The following ARHGAP26 variants were observed in gnomAD, a reference collection of about 807,000 sequenced individuals.
The protein encoded by ARHGAP26 is Rho GTPase activating protein 26, also known as rho GTPase-activating protein 26.
In ARHGAP26, 38 loss-of-function variants were observed where a neutral mutation model predicts 104.8. That is an observed-to-expected ratio of 0.36 (90% confidence interval 0.28 to 0.48). The LOEUF (loss-of-function observed/expected upper bound fraction) is 0.48. Ranked by LOEUF, ARHGAP26 falls within the 20% of genes least tolerant of loss-of-function variation. The pLI, the probability that ARHGAP26 is intolerant of heterozygous loss-of-function variation, is 0.99. For missense variants in ARHGAP26, 704 were observed against 947.9 expected (o/e 0.74, Z 3.38); for synonymous variants, 341 against 340.0 (o/e 1.00, Z -0.03).
At chr5:143,107,004 G>T (rs1794119253) in intron 17 of ARHGAP26, among the ~76,000 whole-genome samples, 1 of 152,136 alleles carries the variant, frequency 6.6e-6, no homozygotes, top group Admixed American at 6.5e-5. Context: ...ACCTCTGTTT[G>T]ATTTCTTCAT....
intron 13 of ARHGAP26, among the ~76,000 whole-genome samples, chr5:143,039,398 G>T (rs1369940362): frequency 6.6e-6 from 1 of 151,976 alleles, no homozygotes; most frequent in African/African-American, 2.4e-5. Flanking sequence ...AGTAGAGATG[G>T]TTTTACCACA....
rs1796062249 is a variant in ARHGAP26 at position 143,120,983 on chromosome 5, C to G, written c.1539-5C>G. On this transcript the variant is annotated splice_polypyrimidine_tract_variant and splice_region_variant and intron_variant, in intron 17 of 22. Coordinates refer to ENST00000645722, the MANE Select transcript of ARHGAP26 (RefSeq NM_001135608.3). Reference sequence around the variant, plus strand: ...ATTGGTACCTTTTCTTTTCCTTCCTCCCAGTGTTGCTAACAACCACAAGCA... The same window carrying G: ...ATTGGTACCTTTTCTTTTCCTTCCTGCCAGTGTTGCTAACAACCACAAGCA... 4.3e-6 allele frequency: 7 copies of G among 1,611,678 alleles called. 1 individual carries two copies. In the South Asian group the frequency reaches 5.5e-5, roughly 13 times the overall value.
chr5:142,875,192 C>T, intron 3 of ARHGAP26, 21 bp downstream of exon 3: 3 of 1,612,826 alleles, frequency 1.9e-6, no homozygotes, highest in Non-Finnish European at 2.5e-6. Flanking sequence ...CTGGGCTACT[C>T]TTGGTCCCAG....
intron 10 of ARHGAP26, among the ~76,000 whole-genome samples, chr5:142,920,868 TAACA>T (rs889123610): frequency 6.6e-6 from 1 of 152,176 alleles, no homozygotes; most frequent in Non-Finnish European, 1.5e-5. Flanking sequence ...GGGGGGAAAG[TAACA>T]AACAAGAGGA....
In ARHGAP26 at chr5:142,770,898, T is replaced by C; in HGVS notation, c.137T>C (p.Leu46Pro). ...IKELIKDGKS[L>P]ISALKNLSSA... is the part of the protein sequence containing the mutation. ...GAGCTCATCAAGGACGGGAAGTCAC[T>C]CATAAGCGCGCTCAAGAGTGAGTGT... Residue 46 changes from leucine (L) to proline (P), a missense_variant, in exon 1 of 23, where the codon CTC becomes CCC. This residue lies in a region of ARHGAP26 where 77 missense variants were observed against 82.6 expected (regional missense o/e 0.93). Coordinates refer to ENST00000645722, the MANE Select transcript of ARHGAP26 (RefSeq NM_001135608.3). The C allele has an allele frequency of 6.2e-7, 1 of 1,609,792 alleles. No individual in the cohort carries two copies. The highest frequency in any genetic ancestry group is 8.5e-7 in the Non-Finnish European group (1 of 1,177,824).
At chr5:143,140,334 G>A (rs1798366971) in intron 19 of ARHGAP26, among the ~76,000 whole-genome samples, 1 of 152,176 alleles carries the variant, frequency 6.6e-6, no homozygotes, top group East Asian at 1.9e-4. Flanking sequence ...CAGTCAGACT[G>A]AGATGTTTTA....
At chr5:143,105,150 C>T (rs1231011968) in intron 17 of ARHGAP26, among the ~76,000 whole-genome samples, 3 of 151,926 alleles carry the variant, frequency 2.0e-5, no homozygotes, top group East Asian at 1.9e-4. Flanking sequence ...CCAAGGTGGG[C>T]GGATCACCTG....
chr5:142,784,025 G>T (rs1758043537), intron 1 of ARHGAP26, among the ~76,000 whole-genome samples: 1 of 152,180 alleles, frequency 6.6e-6, no homozygotes. Flanking sequence ...GTAGGCTTCG[G>T]CATCCAGATG....
At chr5:143,022,758 G>C (rs1780525993) in intron 12 of ARHGAP26, among the ~76,000 whole-genome samples, 1 of 152,164 alleles carries the variant, frequency 6.6e-6, no homozygotes, top group African/African-American at 2.4e-5. Context: ...GGCTTAAAGA[G>C]GTCAAGGGAG....
At chr5:142,881,263 TCTC>T (rs1044676032) in intron 4 of ARHGAP26, among the ~76,000 whole-genome samples, 4 of 152,136 alleles carry the variant, frequency 2.6e-5, no homozygotes, top group South Asian at 2.1e-4. Context: ...AGTAGTTACT[TCTC>T]CTTCTGAGCA....
intron 12 of ARHGAP26, among the ~76,000 whole-genome samples, chr5:143,016,020 G>A (rs570038480): frequency 2.6e-5 from 4 of 152,222 alleles, no homozygotes; most frequent in South Asian, 2.1e-4. Context: ...ATTTGTTGGG[G>A]CGTTGGTGAT....
chr5:143,214,803 T>C (rs1810075784), intron 22 of ARHGAP26, among the ~76,000 whole-genome samples: 1 of 152,230 alleles, frequency 6.6e-6, no homozygotes, highest in African/African-American at 2.4e-5. Flanking sequence ...ACCCTTGGCC[T>C]TCTGGGTCAG....
intron 6 of ARHGAP26, among the ~76,000 whole-genome samples, chr5:142,898,398 A>G (rs17208964): frequency 1.3e-5 from 2 of 152,148 alleles, no homozygotes; most frequent in African/African-American, 2.4e-5. Flanking sequence ...AAGGTTGGCT[A>G]GTGCCCCAGA....
chr5:143,205,760 G>T (rs1808457040), intron 20 of ARHGAP26, among the ~76,000 whole-genome samples: 1 of 152,184 alleles, frequency 6.6e-6, no homozygotes, highest in African/African-American at 2.4e-5. Flanking sequence ...TCTGTGAAAT[G>T]GGAATTATAG....
At chr5:143,018,759 G>C (rs1562271255) in intron 12 of ARHGAP26, among the ~76,000 whole-genome samples, 1 of 152,146 alleles carries the variant, frequency 6.6e-6, no homozygotes, top group African/African-American at 2.4e-5. Context: ...TTAATATCTA[G>C]TTATATAAGT....
chr5:142,977,743 C>T (rs1235624870), intron 11 of ARHGAP26, among the ~76,000 whole-genome samples: 1 of 152,196 alleles, frequency 6.6e-6, no homozygotes, highest in Non-Finnish European at 1.5e-5. Context: ...CACTGCCTCC[C>T]CAAAGACAGA....
At chr5:143,047,483 C>T (rs1784390748) in intron 14 of ARHGAP26, among the ~76,000 whole-genome samples, 1 of 152,164 alleles carries the variant, frequency 6.6e-6, no homozygotes, top group African/African-American at 2.4e-5. Flanking sequence ...ATTATTTCCT[C>T]AGGACTTATT....
At chr5:143,204,389 TG>T (rs1180202120) in intron 20 of ARHGAP26, among the ~76,000 whole-genome samples, 1 of 151,946 alleles carries the variant, frequency 6.6e-6, no homozygotes, top group East Asian at 1.9e-4. Flanking sequence ...CCAGGCATGG[TG>T]GGGGGGATCT....
chr5:142,916,627 C>CA (rs1223398637), intron 10 of ARHGAP26, among the ~76,000 whole-genome samples: 7 of 151,336 alleles, frequency 4.6e-5, no homozygotes, highest in African/African-American at 7.3e-5. Flanking sequence ...CAAAACAAAA[C>CA]AAAAAAAAAT....
Sources: allele counts gnomAD v4.1 joint callset (sites outside exome capture counted in the v4.1 genomes callset), GRCh38; gene constraint gnomAD v4.1.1; regional missense constraint gnomAD v4.1.1; transcripts MANE v1.5; gene names NCBI Gene and HGNC (gene_info 2026-07-23, HGNC 2026-07-21).